Variants in SYT7 observed in about 807,000 individuals in gnomAD.
SYT7 encodes the protein synaptotagmin-7.
Under a neutral mutation model 75.1 loss-of-function variants are expected in SYT7, and 29 were observed. That is an observed-to-expected ratio of 0.39 (90% CI 0.29 to 0.53). The LOEUF is 0.53. SYT7 is among the 20% of genes least tolerant of loss of function. SYT7 has a pLI of 0.77. For missense variants in SYT7, 693 were observed against 953.2 expected, an observed-to-expected ratio of 0.73 and a Z score of 3.59; for synonymous variants, 376 against 401.7, an observed-to-expected ratio of 0.94 and a Z score of 0.76.
At chr11:61,526,881 C>T (rs889337069) in intron 9 of SYT7, among the ~76,000 whole-genome samples, 4 of 152,086 alleles carry the variant, frequency 2.6e-5, no homozygotes, top group African/African-American at 9.7e-5. Context: ...TGCTAAGTGG[C>T]TGGGAAGGCA....
chr11:61,566,277 C>A (rs902465852), intron 1 of SYT7, among the ~76,000 whole-genome samples: 1 of 151,776 alleles, frequency 6.6e-6, no homozygotes, highest in Admixed American at 6.6e-5. Context: ...GACCCCCTCA[C>A]CTCACCTCAC....
At chr11:61,529,378 C>T (rs957008056) in intron 8 of SYT7, among the ~76,000 whole-genome samples, 1 of 152,198 alleles carries the variant, frequency 6.6e-6, no homozygotes, top group East Asian at 1.9e-4. Context: ...CAGCGACTCT[C>T]GCATCGCCGT....
At position 61,546,453 on chromosome 11, in the gene SYT7, T is replaced by C; in HGVS notation, c.348-198A>G. The C allele has an allele frequency of 4.7e-6, 2 of 428,558 alleles. No homozygotes were observed. Among genetic ancestry groups the C allele is most frequent in the African/African-American group, 2.2e-5 (1 of 45,626 alleles). 26.5% of individuals were successfully genotyped at this position (428,558 alleles called of 1,614,324 possible). On this transcript the variant is annotated intron_variant, in intron 4 of 12. Coordinates refer to ENST00000539008, the MANE Select transcript of SYT7 (RefSeq NM_001365809.2). This position sits in a 1 kb window ranked among gnomAD's most constrained non-coding sequence, Gnocchi z 7.6. Reference sequence around the variant, plus strand: ...ACAGACAGAGAGAGAGAGAGAGACATCAGCACTGCAAATGGGTTAACAGCG... The same window carrying C: ...ACAGACAGAGAGAGAGAGAGAGACACCAGCACTGCAAATGGGTTAACAGCG...
intron 1 of SYT7, among the ~76,000 whole-genome samples, chr11:61,579,723 G>A (rs992002529): frequency 2.6e-5 from 4 of 152,226 alleles, no homozygotes; most frequent in African/African-American, 9.6e-5. Context: ...CAGCACCGCC[G>A]CCCCCAGGAG....
intron 3 of SYT7, among the ~76,000 whole-genome samples, chr11:61,548,228 T>C (rs1173429934): frequency 6.6e-6 from 1 of 152,222 alleles, no homozygotes; most frequent in Non-Finnish European, 1.5e-5. Flanking sequence ...AGCGGGAACC[T>C]GTCCTTCTCT....
At chr11:61,588,304 C>T in the SYT7 span, among the ~76,000 whole-genome samples, 8 of 152,324 alleles carry the variant, frequency 5.3e-5, no homozygotes, top group Non-Finnish European at 8.8e-5. Flanking sequence ...CTGCCAGGCC[C>T]GGGTGCCAAG....
chr11:61,531,461 G>T (rs116568498), intron 8 of SYT7, among the ~76,000 whole-genome samples: 7 of 152,130 alleles, frequency 4.6e-5, no homozygotes, highest in Non-Finnish European at 7.4e-5. Context: ...TCTTCCTGGG[G>T]GGGGGAAGAT....
intron 2 of SYT7, among the ~76,000 whole-genome samples, chr11:61,552,111 C>G (rs543581588): frequency 2.0e-5 from 3 of 152,220 alleles, no homozygotes; most frequent in Admixed American, 6.5e-5. Context: ...CCCAGAGTCC[C>G]TCACACTAGC....
rs186277708 is a variant in SYT7, at chr11:61,524,173, G to A, written c.1641+190C>T. Among the ~76,000 whole-genome samples, 74 of 152,260 alleles carry A rather than the reference G, an allele frequency of 4.9e-4. 1 individual carries two copies. Among genetic ancestry groups the A allele is most frequent in the African/African-American group, 1.6e-3 (66 of 41,544 alleles). ...AGCCCTAGGTTCCTTCTTACAGATC[G>A]GGTGAGTCCCCCCAAGTGCCAAGCA... On this transcript the variant is annotated intron_variant, in intron 10 of 12. Transcript: ENST00000539008. The surrounding 1 kb of genome is among the most constrained non-coding windows in gnomAD (Gnocchi z 4.1).
chr11:61,586,050 C>T (rs1354031021), upstream of SYT7, among the ~76,000 whole-genome samples: 3 of 152,200 alleles, frequency 2.0e-5, no homozygotes, highest in Non-Finnish European at 2.9e-5. Flanking sequence ...CTTTCCATAG[C>T]TATAGGCCCC....
At position 61,538,202 on chromosome 11, in the gene SYT7, T is replaced by C. The variant is rs2062926655; in HGVS notation, c.1006A>G (p.Ile336Val). Residue 336 changes from isoleucine to valine, a missense_variant, in exon 7 of 13, where the codon ATC becomes GTC. Physicochemically the swap from Ile to Val is conservative, Grantham distance 29. This residue lies in a region of SYT7 where 487 missense variants were observed against 593.2 expected (regional missense o/e 0.82). Transcript: ENST00000539008. ...GLSEQDDFAN[I>V]PDLQNPGTQQ... ...GTTCCTGGGTTTTGCAGGTCAGGGA[T>C]ATTGGCAAAGTCATCCTGTTCCGAA... 6.5e-7 allele frequency: 1 copy of C among 1,535,888 alleles called. No individual in the cohort carries two copies. The highest frequency in any genetic ancestry group is 8.7e-7 in the Non-Finnish European group (1 of 1,146,860).
chr11:61,524,082 C>A lies in SYT7; in HGVS notation c.1642-141G>T. 1.2e-6 allele frequency: 1 copy of A among 821,518 alleles called. No homozygotes were observed. The allele number at this position is 821,518 out of a possible 1,614,324, so 50.9% of individuals were successfully genotyped here. A position where few individuals can be genotyped will look rare whatever the true frequency, so the allele number is the denominator to read the frequency against. Reference sequence around the variant, plus strand: ...GTCACCTCTGTCTCACTCTGTCTCCCCCCATCTGGCAGGTGTGTGTACTGC... The same window carrying A: ...GTCACCTCTGTCTCACTCTGTCTCCACCCATCTGGCAGGTGTGTGTACTGC... On this transcript the variant is annotated intron_variant, in intron 10 of 12. Transcript: ENST00000539008. This position sits in a 1 kb window ranked among gnomAD's most constrained non-coding sequence, Gnocchi z 4.1.
At chr11:61,559,616 C>T (rs111349675) in intron 1 of SYT7, among the ~76,000 whole-genome samples, 1 of 152,144 alleles carries the variant, frequency 6.6e-6, no homozygotes, top group African/African-American at 2.4e-5. Flanking sequence ...CTCCTCTGCT[C>T]TGATGCCCTC....
chr11:61,575,396 G>T (rs1308153826), intron 1 of SYT7, among the ~76,000 whole-genome samples: 2 of 152,162 alleles, frequency 1.3e-5, no homozygotes, highest in Non-Finnish European at 2.9e-5. Flanking sequence ...TAGGGCCTGG[G>T]GAAGCAGTGC....
chr11:61,563,198 A>G (rs895352326), intron 1 of SYT7, among the ~76,000 whole-genome samples: 2 of 152,134 alleles, frequency 1.3e-5, no homozygotes, highest in Admixed American at 6.5e-5. Context: ...TCACTTGTCT[A>G]CTCAGATTCT....
intron 8 of SYT7, chr11:61,531,185 A>G (rs1475130422): frequency 2.1e-6 from 2 of 971,432 alleles, no homozygotes; most frequent in Non-Finnish European, 2.4e-6. Context: ...TAGCATTGGC[A>G]CAGAGCTGTG....
At chr11:61,541,383 G>A in intron 6 of SYT7, 1 of 870,998 alleles carries the variant, frequency 1.1e-6, no homozygotes, top group South Asian at 5.3e-5. Flanking sequence ...GAGAGTGGGG[G>A]GCAGATGTCC....
rs1259911134 is a variant in SYT7 at position 61,534,306 on chromosome 11, A to C, written c.1065-1182T>G. On this transcript the variant is annotated intron_variant, in intron 7 of 12. Coordinates refer to ENST00000539008, the MANE Select transcript of SYT7 (RefSeq NM_001365809.2). Reference sequence around the variant, plus strand: ...GTGACCACGACAGGCACAGACAGACATGCATGGAATATGCCAGGCCCTGGA... The same window carrying C: ...GTGACCACGACAGGCACAGACAGACCTGCATGGAATATGCCAGGCCCTGGA... Among the ~76,000 whole-genome samples the C allele has an allele frequency of 3.3e-5, 5 of 152,220 alleles. No individual in the cohort carries two copies. In the East Asian group the frequency reaches 9.6e-4, roughly 29 times the overall value.
At chr11:61,532,943 C>T (rs544762302) in intron 8 of SYT7, 46 bp downstream of exon 8, 1 of 1,605,320 alleles carries the variant, frequency 6.2e-7, no homozygotes, top group South Asian at 1.1e-5. Flanking sequence ...TGCCCCTGGC[C>T]TCCCAGCCCA....
Sources: gnomAD v4.1 joint callset for allele counts (sites outside exome capture counted in the v4.1 genomes callset) on GRCh38, gnomAD v4.1.1 for gene constraint, gnomAD v4.1.1 regional missense constraint, Gnocchi (gnomAD v3.1) non-coding constraint, MANE v1.5 for transcripts, NCBI Gene and HGNC (gene_info 2026-07-23, HGNC 2026-07-21) for gene names.